Variants in RPS6KA2 observed in about 807,000 individuals in gnomAD.
The protein encoded by RPS6KA2 is ribosomal protein S6 kinase A2.
In RPS6KA2, 42 loss-of-function variants were observed where a neutral mutation model predicts 91.8. That is an observed-to-expected ratio of 0.46 (90% CI 0.36 to 0.59). RPS6KA2 has a LOEUF of 0.59. RPS6KA2 is among the 20% of genes least tolerant of loss of function. The probability of loss-of-function intolerance (pLI) is 0.00; values close to 1 mark genes in which losing one functional copy is unlikely to be tolerated. For missense variants in RPS6KA2, 798 were observed against 978.5 expected, an observed-to-expected ratio of 0.82 and a Z score of 2.46; for synonymous variants, 414 against 393.6, an observed-to-expected ratio of 1.05 and a Z score of -0.61.
At chr6:166,687,589 C>G (rs1262624047) in intron 2 of RPS6KA2, among the ~76,000 whole-genome samples, 1 of 152,178 alleles carries the variant, frequency 6.6e-6, no homozygotes, top group Admixed American at 6.5e-5. Context: ...TGACTCCACT[C>G]TATTTATTTT....
rs868564770 is a variant in RPS6KA2 at position 166,478,102 on chromosome 6, C to T, written c.908-8197G>A. Among the ~76,000 whole-genome samples the T allele has an allele frequency of 1.8e-4, 28 of 152,214 alleles. 1 individual carries two copies. The highest frequency in any genetic ancestry group is 1.2e-3 in the Admixed American group (18 of 15,290). On this transcript the variant is annotated intron_variant, in intron 10 of 20. Transcript: ENST00000265678. ...GGGAGGGGTGCACAGCAAACCCTCA[C>T]GCATGTGGCCCCACAGGTGGTGACT...
At position 166,679,564 on chromosome 6, in the gene RPS6KA2, G is replaced by T. The variant is rs187784428; in HGVS notation, c.124-140780C>A. 8.5e-5 allele frequency among the ~76,000 whole-genome samples: 13 copies of T among 152,346 alleles called. No homozygotes were observed. The East Asian group carries it at 2.1e-3, about 25-fold the overall frequency. On this transcript the variant is annotated intron_variant, in intron 2 of 21. Coordinates refer to the RPS6KA2 transcript ENST00000503859. ...ATAATGTGTAGGACATAGCCAAAAA[G>T]AGCTTGAACGTGAAAGTGAGAGGTA... is the stretch of plus-strand genomic sequence containing the variant.
chr6:166,839,320 G>A (rs997807138), intron 2 of RPS6KA2, among the ~76,000 whole-genome samples: 3 of 152,010 alleles, frequency 2.0e-5, no homozygotes, highest in African/African-American at 7.3e-5. Context: ...TGATGATCAC[G>A]TCTCCTGCAC....
In RPS6KA2 at chr6:166,448,739, G is replaced by A. The variant is rs1336557047; in HGVS notation, c.1317C>T (p.Thr439=). The A allele has an allele frequency of 8.7e-6, 14 of 1,612,486 alleles. 1 individual carries two copies. The highest frequency in any genetic ancestry group is 1.2e-5 in the Non-Finnish European group (14 of 1,179,382). ...CKRCVHKATD[T]EYAVKIIDKS... ...CCTGCCTTACCTTCACGGCATACTC[G>A]GTGTCTGTGGCTTTATGCACACATC... The change falls in exon 14 of 21, where the codon ACC becomes ACT. Residue 439 remains threonine, a synonymous_variant. Transcript: ENST00000265678. This position sits in a 1 kb window ranked among gnomAD's most constrained non-coding sequence, Gnocchi z 4.7.
chr6:166,550,994 C>CAAAAAAAAAAAAAAAAAAAAAAAAAAAA (rs58796308), intron 1 of RPS6KA2, among the ~76,000 whole-genome samples: 5 of 106,378 alleles, frequency 4.7e-5, no homozygotes, highest in Non-Finnish European at 6.0e-5. Context: ...GACTCTATCT[C>CAAAAAAAAAAAAAAAAAAAAAAAAAAAA]AAAAAAAAAA....
intron 10 of RPS6KA2, among the ~76,000 whole-genome samples, chr6:166,478,875 G>A (rs1041509964): frequency 2.6e-5 from 4 of 152,176 alleles, no homozygotes; most frequent in Admixed American, 6.5e-5. Flanking sequence ...TCACGATGTC[G>A]GTGCTGGTAT....
intron 12 of RPS6KA2, among the ~76,000 whole-genome samples, chr6:166,452,498 G>A (rs1779949943): frequency 6.6e-6 from 1 of 152,066 alleles, no homozygotes; most frequent in Non-Finnish European, 1.5e-5. Flanking sequence ...AACCAACAAA[G>A]AGCCTGAATA....
intron 2 of RPS6KA2, among the ~76,000 whole-genome samples, chr6:166,839,683 GAGA>G (rs1780410610): frequency 2.3e-5 from 2 of 86,428 alleles, no homozygotes; most frequent in African/African-American, 9.0e-5. Flanking sequence ...ATCAGAGCAG[GAGA>G]GGAGAGGGGA....
intron 1 of RPS6KA2, among the ~76,000 whole-genome samples, chr6:166,602,325 T>G (rs1239197000): frequency 6.6e-6 from 1 of 152,232 alleles, no homozygotes; most frequent in African/African-American, 2.4e-5. Flanking sequence ...GATCGTGTGC[T>G]CCATGACCCA....
At chr6:166,592,019 G>A (rs2128521675) in intron 1 of RPS6KA2, among the ~76,000 whole-genome samples, 1 of 152,310 alleles carries the variant, frequency 6.6e-6, no homozygotes, top group Non-Finnish European at 1.5e-5. Flanking sequence ...GAAAATGATG[G>A]ACGTTCTGTT....
chr6:166,843,572 G>A (rs551695899), intron 2 of RPS6KA2, among the ~76,000 whole-genome samples: 24 of 152,210 alleles, frequency 1.6e-4, no homozygotes, highest in Middle Eastern at 3.2e-3. Context: ...GCTGAAAGAC[G>A]TGAAGACGGA....
chr6:166,560,090 C>A (rs1784294821), intron 1 of RPS6KA2, among the ~76,000 whole-genome samples: 1 of 152,214 alleles, frequency 6.6e-6, no homozygotes, highest in African/African-American at 2.4e-5. Flanking sequence ...GTGGGCATCT[C>A]ATACCACACA....
chr6:166,497,506 G>C (rs538093054), intron 8 of RPS6KA2, among the ~76,000 whole-genome samples: 1 of 152,366 alleles, frequency 6.6e-6, no homozygotes, highest in Admixed American at 6.5e-5. Flanking sequence ...CTCGCGGAGA[G>C]GTGAGCAGCC....
At chr6:166,714,168 C>T (rs1029048862) in intron 2 of RPS6KA2, among the ~76,000 whole-genome samples, 4 of 152,340 alleles carry the variant, frequency 2.6e-5, no homozygotes, top group South Asian at 2.1e-4. Flanking sequence ...ACCCCCAGCA[C>T]GCTGTGGGGA....
chr6:166,469,960 C>T, intron 10 of RPS6KA2, 55 bp from the exon 11 acceptor site: 1 of 1,490,438 alleles, frequency 6.7e-7, no homozygotes, highest in Non-Finnish European at 9.4e-7. Context: ...GGTTCTCTGA[C>T]AGTTTCCAAT....
chr6:166,564,120 C>G (rs188784760), intron 1 of RPS6KA2, among the ~76,000 whole-genome samples: 1 of 152,192 alleles, frequency 6.6e-6, no homozygotes, highest in African/African-American at 2.4e-5. Context: ...CTTAGAGAAG[C>G]GGCCTATTAA....
chr6:166,504,763 A>G, intron 5 of RPS6KA2, 151 bp from the exon 6 acceptor site: 1 of 573,688 alleles, frequency 1.7e-6, no homozygotes, highest in Non-Finnish European at 3.1e-6. Flanking sequence ...TGGTCTTCTG[A>G]CTCTTCTCAT....
chr6:166,766,073 G>A (rs997163376), intron 2 of RPS6KA2, among the ~76,000 whole-genome samples: 2 of 152,190 alleles, frequency 1.3e-5, no homozygotes, highest in African/African-American at 4.8e-5. Flanking sequence ...GTAGCCTGAG[G>A]TGTGTAATTA....
At chr6:166,542,799 G>C (rs1783704202) in intron 1 of RPS6KA2, among the ~76,000 whole-genome samples, 1 of 152,066 alleles carries the variant, frequency 6.6e-6, no homozygotes, top group Non-Finnish European at 1.5e-5. Flanking sequence ...CATTTCCTCT[G>C]CTCTGAATCA....
Sources: gnomAD v4.1 joint callset for allele counts (sites outside exome capture counted in the v4.1 genomes callset) on GRCh38, gnomAD v4.1.1 for gene constraint, Gnocchi (gnomAD v3.1) non-coding constraint, MANE v1.5 for transcripts, NCBI Gene and HGNC (gene_info 2026-07-23, HGNC 2026-07-21) for gene names.